Variants in TRPM1 observed in about 807,000 individuals in gnomAD.
TRPM1 encodes TRPM1-203 APA Isoform, Intron 10.
In TRPM1, 113 loss-of-function variants were observed where a neutral mutation model predicts 149.4. The observed-to-expected ratio is 0.76, with a 90% CI of 0.65 to 0.88. The LOEUF (loss-of-function observed/expected upper bound fraction) is 0.88, where lower values mean the gene tolerates loss of function less well. Among genes scored for constraint, TRPM1 ranks in the 40% least tolerant of loss-of-function variants. The probability of loss-of-function intolerance (pLI) is 0.00; values close to 1 mark genes in which losing one functional copy is unlikely to be tolerated. For synonymous variants in TRPM1, 741 were observed against 759.5 expected (o/e 0.98, Z 0.40); for missense variants, 1,976 against 2,038.7 (o/e 0.97, Z 0.59).
intron 1 of TRPM1, among the ~76,000 whole-genome samples, chr15:31,087,216 CAGGTCTCAAT>C (rs1295750144): frequency 4.3e-5 from 6 of 139,514 alleles, no homozygotes; most frequent in Non-Finnish European, 7.6e-5. Flanking sequence ...AGCAGTTAAG[CAGGTCTCAAT>C]AGGGATTTTT....
At chr15:31,150,809 T>G (rs2036291576) in intron 1 of TRPM1, among the ~76,000 whole-genome samples, 1 of 152,096 alleles carries the variant, frequency 6.6e-6, no homozygotes, top group Non-Finnish European at 1.5e-5. Context: ...GCCTAAGACA[T>G]GCCCACAGCT....
chr15:31,067,342 G>A (rs2034406807), intron 5 of TRPM1, among the ~76,000 whole-genome samples, 155 bp from the exon 6 acceptor site: 1 of 152,188 alleles, frequency 6.6e-6, no homozygotes, highest in Non-Finnish European at 1.5e-5. Flanking sequence ...TACACTGAAA[G>A]TCTGAGCTCA....
In TRPM1 at chr15:31,023,613, C is replaced by T. The variant is rs543770868; in HGVS notation, c.3629+2526G>A. Among the ~76,000 whole-genome samples the T allele has an allele frequency of 1.5e-3, 235 of 152,192 alleles. 1 individual carries two copies. In the Middle Eastern group the frequency reaches 0.027, roughly 18 times the overall value. On this transcript the variant is annotated intron_variant, in intron 27 of 27. Transcript: ENST00000256552. Reference sequence around the variant, plus strand: ...AAATAAGTGGATCAGGATGTATTCACGAGGGGAAGTAAACAGAACTTGATG... The same window carrying T: ...AAATAAGTGGATCAGGATGTATTCATGAGGGGAAGTAAACAGAACTTGATG...
intron 6 of TRPM1, among the ~76,000 whole-genome samples, 168 bp downstream of exon 6, chr15:31,066,895 G>A (rs1400188596): frequency 1.3e-5 from 2 of 152,142 alleles, no homozygotes; most frequent in African/African-American, 2.4e-5. Flanking sequence ...GACAGTATCC[G>A]GGTTGTGATC....
At chr15:31,131,776 G>T (rs900801023) in intron 1 of TRPM1, among the ~76,000 whole-genome samples, 2 of 152,130 alleles carry the variant, frequency 1.3e-5, no homozygotes, top group African/African-American at 2.4e-5. Flanking sequence ...GGGAGTCAGG[G>T]CACTTGGGCC....
At chr15:31,010,815 ATTTTC>A (rs1469116632) in intron 27 of TRPM1, among the ~76,000 whole-genome samples, 2 of 152,116 alleles carry the variant, frequency 1.3e-5, no homozygotes, top group African/African-American at 4.8e-5. Flanking sequence ...TAAGGCTTCT[ATTTTC>A]TTAATGAACT....
intron 1 of TRPM1, among the ~76,000 whole-genome samples, chr15:31,082,594 G>A (rs2034890496): frequency 6.6e-6 from 1 of 152,228 alleles, no homozygotes; most frequent in African/African-American, 2.4e-5. Flanking sequence ...TCTGTAGCCA[G>A]GACCATGTGT....
chr15:31,159,586 C>T (rs148217495), intron 1 of TRPM1, among the ~76,000 whole-genome samples: 17 of 152,312 alleles, frequency 1.1e-4, no homozygotes, highest in African/African-American at 4.1e-4. Flanking sequence ...GCGCCTGTCC[C>T]CCACTGAGCC....
intron 1 of TRPM1, among the ~76,000 whole-genome samples, chr15:31,135,584 C>T (rs1444607401): frequency 6.6e-6 from 1 of 152,052 alleles, no homozygotes; most frequent in African/African-American, 2.4e-5. Flanking sequence ...CCCTCCAAAT[C>T]TCATGCTGTA....
Position 31,031,104 on chromosome 15 carries a change from G to A in TRPM1, c.3006C>T (p.Phe1002=), listed in dbSNP as rs554342777. Residue 1002 remains phenylalanine (F), a synonymous_variant, in exon 23 of 28, where the codon TTC becomes TTT. Coordinates refer to ENST00000256552, the MANE Select transcript of TRPM1 (RefSeq NM_001252024.2). ...GCAGAATGGCTTGACGGGCTACTCC[G>A]AAACTCATGAGCACGACCAGCATGA... ...VVIMLVVLMS[F]GVARQAILHP... is the part of the protein sequence containing the mutation. 2.4e-5 allele frequency: 39 copies of A among 1,614,184 alleles called. No homozygotes were observed. The highest frequency in any genetic ancestry group is 1.7e-4 in the African/African-American group (13 of 75,048).
intron 1 of TRPM1, among the ~76,000 whole-genome samples, chr15:31,091,848 C>CA (rs1461585093): frequency 6.6e-6 from 1 of 152,114 alleles, no homozygotes; most frequent in Non-Finnish European, 1.5e-5. Context: ...CAAAACAAAA[C>CA]AAAAAACACC....
At chr15:31,107,219 A>G (rs1307344483) in intron 1 of TRPM1, among the ~76,000 whole-genome samples, 1 of 151,712 alleles carries the variant, frequency 6.6e-6, no homozygotes, top group African/African-American at 2.4e-5. Flanking sequence ...AAATATTACT[A>G]CTCCAATGTC....
At chr15:31,067,842 T>C in intron 5 of TRPM1, 37 bp downstream of exon 5, 1 of 1,601,864 alleles carries the variant, frequency 6.2e-7, no homozygotes, top group Non-Finnish European at 8.5e-7. Context: ...TTCTGGGTGG[T>C]ACATTGATTA....
At chr15:31,012,808 C>T (rs2032232751) in intron 27 of TRPM1, among the ~76,000 whole-genome samples, 1 of 151,984 alleles carries the variant, frequency 6.6e-6, no homozygotes, top group African/African-American at 2.4e-5. Flanking sequence ...CATTTCCTCC[C>T]CCTGTTCCTT....
intron 1 of TRPM1, among the ~76,000 whole-genome samples, chr15:31,084,730 G>T (rs1451873308): frequency 1.4e-5 from 2 of 145,616 alleles, no homozygotes; most frequent in African/African-American, 2.6e-5. Flanking sequence ...CTGGAGTGCA[G>T]TGGCGCGATC....
chr15:31,117,429 A>G (rs2035814328), intron 1 of TRPM1, among the ~76,000 whole-genome samples: 1 of 151,910 alleles, frequency 6.6e-6, no homozygotes, highest in Admixed American at 6.6e-5. Context: ...GAGGTTGCAG[A>G]GACCCGAGAT....
intron 1 of TRPM1, among the ~76,000 whole-genome samples, chr15:31,120,803 A>G (rs973039107): frequency 1.3e-5 from 2 of 152,218 alleles, no homozygotes; most frequent in African/African-American, 4.8e-5. Context: ...TCTAAATAAC[A>G]GGAGTCAAAG....
intron 9 of TRPM1, 133 bp downstream of exon 9, chr15:31,062,446 G>T: frequency 8.7e-7 from 1 of 1,148,022 alleles, no homozygotes; most frequent in South Asian, 1.4e-5. Context: ...AATTTGGTAT[G>T]CATTTGTACT....
At chr15:31,052,423 A>G (rs1396043347) in intron 11 of TRPM1, among the ~76,000 whole-genome samples, 1 of 152,226 alleles carries the variant, frequency 6.6e-6, no homozygotes, top group African/African-American at 2.4e-5. Context: ...ACCTTACACC[A>G]TATACAAATA....
Sources: allele counts gnomAD v4.1 joint callset (sites outside exome capture counted in the v4.1 genomes callset), GRCh38; gene constraint gnomAD v4.1.1; transcripts MANE v1.5; gene names NCBI Gene and HGNC (gene_info 2026-07-23, HGNC 2026-07-21).